The following GRAMD1C variants were observed in gnomAD, a reference collection of about 807,000 sequenced individuals.
The protein encoded by GRAMD1C is protein Aster-C.
In GRAMD1C, 89 loss-of-function variants were observed where a neutral mutation model predicts 97.8. That is an observed-to-expected ratio of 0.91 (90% confidence interval 0.77 to 1.09). The LOEUF is 1.09. Among genes scored for constraint, GRAMD1C ranks in the 50% least tolerant of loss-of-function variants. The probability of loss-of-function intolerance (pLI) is 0.00; values close to 1 mark genes in which losing one functional copy is unlikely to be tolerated. For missense variants in GRAMD1C, 740 were observed against 766.4 expected (o/e 0.97, Z 0.41); for synonymous variants, 256 against 267.0 (o/e 0.96, Z 0.40).
At chr3:113,943,734 C>G (rs992405185) in intron 17 of GRAMD1C, among the ~76,000 whole-genome samples, 4 of 151,980 alleles carry the variant, frequency 2.6e-5, no homozygotes, top group Non-Finnish European at 5.9e-5. Context: ...GGCAACTTGG[C>G]GAAACCCCGT....
rs187352347 is a variant in GRAMD1C, at chr3:113,913,648, T to G, written c.953-2053T>G. The stretch of plus-strand genomic sequence containing the variant: ...TATATGTAACATTCAGACCTCTGTT[T>G]GGGGAGTTTTATTTAAAGTGTATGG... On this transcript the variant is annotated intron_variant, in intron 9 of 17. Transcript: ENST00000358160. Among the ~76,000 whole-genome samples the G allele has an allele frequency of 1.2e-3, 182 of 152,250 alleles. 1 individual carries two copies. The highest frequency in any genetic ancestry group is 4.1e-3 in the African/African-American group (170 of 41,536).
intron 16 of GRAMD1C, 54 bp from the exon 17 acceptor site, chr3:113,940,185 GA>G: frequency 3.6e-6 from 4 of 1,102,208 alleles, no homozygotes; most frequent in Non-Finnish European, 4.1e-6. Flanking sequence ...TTCTGGAAAT[GA>G]AAAAAAGATC....
chr3:113,931,810 C>T (rs1454260592), intron 11 of GRAMD1C, among the ~76,000 whole-genome samples: 2 of 152,014 alleles, frequency 1.3e-5, no homozygotes, highest in African/African-American at 4.8e-5. Context: ...CCTGTGGTCT[C>T]ACCTACTCAG....
intron 11 of GRAMD1C, among the ~76,000 whole-genome samples, chr3:113,932,400 G>C: frequency 6.6e-6 from 1 of 152,126 alleles, no homozygotes; most frequent in East Asian, 1.9e-4. Context: ...GAAAAGGTAT[G>C]GTTAAAATGA....
chr3:113,837,561 TA>T (rs899568353), upstream of GRAMD1C, among the ~76,000 whole-genome samples: 4 of 152,172 alleles, frequency 2.6e-5, no homozygotes, highest in South Asian at 2.1e-4. Context: ...CATTGGTACA[TA>T]AAAAAATTTT....
intron 2 of GRAMD1C, among the ~76,000 whole-genome samples, chr3:113,846,792 G>C (rs1933628692): frequency 6.6e-6 from 1 of 152,068 alleles, no homozygotes; most frequent in Non-Finnish European, 1.5e-5. Flanking sequence ...GGTTTACTTT[G>C]GCTCAGTTTG....
intron 10 of GRAMD1C, among the ~76,000 whole-genome samples, chr3:113,926,195 C>G (rs746017033): frequency 9.2e-5 from 14 of 152,186 alleles, no homozygotes; most frequent in Non-Finnish European, 1.5e-4. Flanking sequence ...GCCAGTGAGG[C>G]ATAGATTTGA....
At chr3:113,835,674 T>C (rs905728450), upstream of GRAMD1C, among the ~76,000 whole-genome samples, 2 of 152,172 alleles carry the variant, frequency 1.3e-5, no homozygotes, top group Admixed American at 6.5e-5. Context: ...AAAGCTGTTA[T>C]TGGGAAAAAG....
chr3:113,933,517 T>C lies in GRAMD1C; in HGVS notation c.1216T>C (p.Tyr406His), dbSNP rs570270262. 1.3e-4 allele frequency: 207 copies of C among 1,609,730 alleles called. 3 individuals are homozygous for C. The South Asian group carries it at 2.2e-3, about 17-fold the overall frequency. Reference protein sequence around the residue: ...CTAATEKQTLYKESREARFYL... With the variant: ...CTAATEKQTLHKESREARFYL... The stretch of plus-strand genomic sequence containing the variant: ...TTTTATCTTACTTTGGCAGACACTG[T>C]ATAAAGAAAGTCGGGAAGCACGATT... Residue 406 changes from tyrosine (Y) to histidine (H), a missense_variant, in exon 12 of 18, where the codon TAT (tyrosine) becomes CAT (histidine). Coordinates refer to ENST00000358160, the MANE Select transcript of GRAMD1C (RefSeq NM_017577.5).
chr3:113,829,623 T>C (rs891985253), intron 1 of GRAMD1C, among the ~76,000 whole-genome samples: 1 of 152,220 alleles, frequency 6.6e-6, no homozygotes, highest in Admixed American at 6.5e-5. Context: ...AGGCTTCCCA[T>C]AAAACTTTTA....
At position 113,921,004 on chromosome 3, in the gene GRAMD1C, C is replaced by T. The variant is rs148034160; in HGVS notation, c.1090+5166C>T. Among the ~76,000 whole-genome samples the T allele has an allele frequency of 1.3e-3, 196 of 152,204 alleles. 2 individuals carry two copies. The Middle Eastern group carries it at 0.024, about 18-fold the overall frequency. ...TGGGAGTTTGGTGTACAGATTAGTT[C>T]GTGACCCAGGTAATAAGCATGGTAC... On this transcript the variant is annotated intron_variant, in intron 10 of 17. Transcript: ENST00000358160.
intron 2 of GRAMD1C, among the ~76,000 whole-genome samples, chr3:113,846,261 C>T (rs899064131): frequency 6.6e-6 from 1 of 152,068 alleles, no homozygotes; most frequent in Admixed American, 6.6e-5. Flanking sequence ...CACCTGTCAC[C>T]ACACCCAGCT....
chr3:113,906,843 C>T (rs533424965), intron 8 of GRAMD1C, among the ~76,000 whole-genome samples: 23 of 152,072 alleles, frequency 1.5e-4, no homozygotes, highest in Non-Finnish European at 1.8e-4. Flanking sequence ...TCTTTTGTAC[C>T]GTGTTTTTAC....
At chr3:113,866,028 T>TC (rs1375566402) in intron 2 of GRAMD1C, among the ~76,000 whole-genome samples, 2 of 152,112 alleles carry the variant, frequency 1.3e-5, no homozygotes, top group East Asian at 3.8e-4. Context: ...GAATGTTCCA[T>TC]CCGTGCTTGA....
At chr3:113,915,216 C>T (rs576101331) in intron 9 of GRAMD1C, among the ~76,000 whole-genome samples, 1 of 152,266 alleles carries the variant, frequency 6.6e-6, no homozygotes, top group African/African-American at 2.4e-5. Flanking sequence ...AACATTAAGT[C>T]AAGTTGAAAC....
At chr3:113,927,962 A>G (rs1937285557) in intron 10 of GRAMD1C, among the ~76,000 whole-genome samples, 1 of 152,134 alleles carries the variant, frequency 6.6e-6, no homozygotes, top group Admixed American at 6.5e-5. Context: ...TCGCCGCAGA[A>G]ACTCTGGGTG....
chr3:113,899,185 T>C (rs537178678), intron 6 of GRAMD1C, among the ~76,000 whole-genome samples: 1 of 152,294 alleles, frequency 6.6e-6, no homozygotes, highest in East Asian at 1.9e-4. Context: ...ACTACTGACT[T>C]CAAAACAAAT....
Position 113,915,305 on chromosome 3 carries a change from G to A in GRAMD1C, c.953-396G>A, listed in dbSNP as rs928518545. Among the ~76,000 whole-genome samples, 10 of 152,178 alleles carry A rather than the reference G, an allele frequency of 6.6e-5. No individual in the cohort carries two copies. In the South Asian group the frequency reaches 2.1e-3, roughly 31 times the overall value. Reference sequence around the variant, plus strand: ...AATATTTACTGAGTGAGCATTCAGAGGTAGAAGTTGCTAATTTCTATGTTA... The same window carrying A: ...AATATTTACTGAGTGAGCATTCAGAAGTAGAAGTTGCTAATTTCTATGTTA... On this transcript the variant is annotated intron_variant, in intron 9 of 17. Transcript: ENST00000358160.
At chr3:113,890,687 A>C (rs1158976729) in intron 6 of GRAMD1C, 1 of 685,452 alleles carries the variant, frequency 1.5e-6, no homozygotes, top group East Asian at 2.7e-5. Flanking sequence ...CACCAGCGAC[A>C]TCGCAGACTA....
Sources: gnomAD v4.1 joint callset for allele counts (sites outside exome capture counted in the v4.1 genomes callset) on GRCh38, gnomAD v4.1.1 for gene constraint, MANE v1.5 for transcripts, NCBI Gene and HGNC (gene_info 2026-07-23, HGNC 2026-07-21) for gene names.